ANKRD28: variants seen among roughly 807,000 people sequenced by gnomAD.
The protein encoded by ANKRD28 is ankyrin repeat domain 28, also known as serine/threonine-protein phosphatase 6 regulatory ankyrin repeat subunit A.
Under a neutral mutation model 126.5 loss-of-function variants are expected in ANKRD28, and 44 were observed. The ratio of observed to expected loss-of-function variants is 0.35; its 90% CI spans 0.27 to 0.45. The LOEUF (loss-of-function observed/expected upper bound fraction) is 0.45. Ranked by LOEUF, ANKRD28 falls within the 20% of genes least tolerant of loss-of-function variation. The pLI is 1.00. For synonymous variants in ANKRD28, 442 were observed against 468.5 expected (o/e 0.94, Z 0.73); for missense variants, 1,110 against 1,316.6 (o/e 0.84, Z 2.43).
intron 2 of ANKRD28, among the ~76,000 whole-genome samples, chr3:15,780,275 A>T (rs2059483517): frequency 6.6e-6 from 1 of 152,114 alleles, no homozygotes. Context: ...CTAACAACAA[A>T]CTATCTAAAA....
intron 3 of ANKRD28, 50 bp from the exon 4 acceptor site, chr3:15,751,870 T>G (rs1210889636): frequency 8.2e-7 from 1 of 1,212,592 alleles, no homozygotes; most frequent in Non-Finnish European, 1.2e-6. Flanking sequence ...TAAAATATTT[T>G]TAATAAATCT....
At chr3:15,724,228 T>C (rs1219779830) in intron 7 of ANKRD28, among the ~76,000 whole-genome samples, 154 bp downstream of exon 7, 1 of 152,216 alleles carries the variant, frequency 6.6e-6, no homozygotes, top group Non-Finnish European at 1.5e-5. Flanking sequence ...CATAAATCAG[T>C]GCACTAGATA....
At chr3:15,780,442 T>C (rs2059489963) in intron 2 of ANKRD28, among the ~76,000 whole-genome samples, 1 of 152,072 alleles carries the variant, frequency 6.6e-6, no homozygotes, top group Non-Finnish European at 1.5e-5. Flanking sequence ...AATGAGAAGA[T>C]ATACTGTGTT....
At chr3:15,696,731 T>TA (rs1446520072) in intron 14 of ANKRD28, among the ~76,000 whole-genome samples, 2 of 152,130 alleles carry the variant, frequency 1.3e-5, no homozygotes, top group African/African-American at 2.4e-5. Context: ...GAATCTGAAT[T>TA]AGAGGACTAA....
At chr3:15,818,133 T>G (rs1418571645) in intron 1 of ANKRD28, among the ~76,000 whole-genome samples, 11 of 151,820 alleles carry the variant, frequency 7.2e-5, no homozygotes. Flanking sequence ...ATACAGGAGC[T>G]CCCCCGTTAT....
chr3:15,696,530 T>C (rs1459390688), intron 14 of ANKRD28, among the ~76,000 whole-genome samples: 1 of 152,102 alleles, frequency 6.6e-6, no homozygotes, highest in Non-Finnish European at 1.5e-5. Flanking sequence ...ACACAGTCTC[T>C]ATCTATACCA....
At chr3:15,700,669 G>A (rs960344048) in intron 14 of ANKRD28, among the ~76,000 whole-genome samples, 1 of 152,128 alleles carries the variant, frequency 6.6e-6, no homozygotes, top group Non-Finnish European at 1.5e-5. Flanking sequence ...AGCTACTCGG[G>A]AGGCTGAGGC....
At chr3:15,852,997 C>G (rs973418345) in intron 1 of ANKRD28, among the ~76,000 whole-genome samples, 2 of 151,802 alleles carry the variant, frequency 1.3e-5, no homozygotes, top group South Asian at 2.1e-4. Flanking sequence ...AAATCAGTAT[C>G]GCTTAAGGAG....
chr3:15,711,117 G>T, intron 12 of ANKRD28, 94 bp downstream of exon 12: 7 of 1,048,528 alleles, frequency 6.7e-6, no homozygotes, highest in South Asian at 3.6e-5. Context: ...CTATTTTCTG[G>T]CAGCCCAGAA....
In ANKRD28 at chr3:15,846,360, T is replaced by C. The variant is rs1483067536; in HGVS notation, c.27+13017A>G. 1.3e-5 allele frequency among the ~76,000 whole-genome samples: 2 copies of C among 152,216 alleles called. No individual in the cohort carries two copies. The highest frequency in any genetic ancestry group is 1.3e-4 in the Admixed American group (2 of 15,286). On this transcript the variant is annotated intron_variant, in intron 1 of 27. Transcript: ENST00000399451. This position sits in a 1 kb window ranked among gnomAD's most constrained non-coding sequence, Gnocchi z 5.4. The stretch of plus-strand genomic sequence containing the variant: ...TCTTAAAGCTCCAAAATAATCTCCT[T>C]TGACTCCATGTCTCACATCCAGGGC...
intron 2 of ANKRD28, among the ~76,000 whole-genome samples, chr3:15,770,077 A>G (rs1375456265): frequency 6.6e-6 from 1 of 152,088 alleles, no homozygotes; most frequent in Non-Finnish European, 1.5e-5. Flanking sequence ...TAGGCACTAG[A>G]AAGGATTTAA....
intron 9 of ANKRD28, 68 bp downstream of exon 9, chr3:15,714,510 T>A: frequency 3.5e-6 from 4 of 1,130,744 alleles, no homozygotes. Flanking sequence ...ATTCATTTGG[T>A]GGATGTTTTT....
intron 17 of ANKRD28, among the ~76,000 whole-genome samples, chr3:15,691,723 A>G (rs1220394084): frequency 1.3e-5 from 2 of 152,242 alleles, no homozygotes; most frequent in African/African-American, 4.8e-5. Flanking sequence ...ACGGAATTCT[A>G]CTGTTTTAGG....
chr3:15,681,719 TTTCTC>T (rs1464653523), intron 21 of ANKRD28, among the ~76,000 whole-genome samples: 11 of 152,298 alleles, frequency 7.2e-5, no homozygotes, highest in African/African-American at 2.6e-4. Flanking sequence ...TGTCAGTTCT[TTTCTC>T]TAATCTAGTA....
At position 15,720,919 on chromosome 3, in the gene ANKRD28, A is replaced by G. The variant is rs765207928; in HGVS notation, c.992T>C (p.Met331Thr). 6.2e-7 allele frequency: 1 copy of G among 1,612,998 alleles called. No homozygotes were observed. Among genetic ancestry groups the G allele is most frequent in the South Asian group, 1.1e-5 (1 of 90,892 alleles). ...GATTCTGATTTTGTTCCTTACCTTC[A>G]TATTGACATCGGCCCCATTGCCAAC... The part of the protein sequence containing the change: ...LLVGNGADVN[M>T]KSKDGKTPLH... Residue 331 changes from methionine (M) to threonine (T), a missense_variant, in exon 8 of 28, where the codon ATG becomes ACG. Coordinates refer to ENST00000683139, the MANE Select transcript of ANKRD28 (RefSeq NM_001349278.2).
chr3:15,796,988 A>C lies in ANKRD28; in HGVS notation c.-467T>G, dbSNP rs2060305915. On this transcript the variant is annotated 5_prime_UTR_variant, in exon 1 of 28. Coordinates refer to ENST00000683139, the MANE Select transcript of ANKRD28 (RefSeq NM_001349278.2). ...ACAGCGATACCCACTCTTGCCTGCA[A>C]GGTCATATAGTTACCAGTAGCTGTT... 7.1e-6 allele frequency: 7 copies of C among 985,416 alleles called. No homozygotes were observed. The highest frequency in any genetic ancestry group is 7.2e-6 in the Non-Finnish European group (6 of 829,938). The allele number at this position is 985,416 out of a possible 1,614,324, so 61.0% of individuals were successfully genotyped here.
chr3:15,740,508 T>C (rs1471380497), intron 4 of ANKRD28, among the ~76,000 whole-genome samples: 1 of 152,208 alleles, frequency 6.6e-6, no homozygotes, highest in African/African-American at 2.4e-5. Flanking sequence ...TTGGGGGATC[T>C]AAAACTAACA....
intron 18 of ANKRD28, among the ~76,000 whole-genome samples, chr3:15,689,071 CTTG>C (rs1351369192): frequency 1.3e-5 from 2 of 152,096 alleles, no homozygotes; most frequent in East Asian, 1.9e-4. Flanking sequence ...TGATGATAGT[CTTG>C]TTGTTGGTAT....
chr3:15,856,189 C>CAA (rs57558163), intron 1 of ANKRD28, among the ~76,000 whole-genome samples: 1 of 147,672 alleles, frequency 6.8e-6, no homozygotes, highest in African/African-American at 2.5e-5. Context: ...TTCTGGCTTC[C>CAA]AAAAAAAAAA....
Sources: gnomAD v4.1 joint callset for allele counts (sites outside exome capture counted in the v4.1 genomes callset) on GRCh38, gnomAD v4.1.1 for gene constraint, Gnocchi (gnomAD v3.1) non-coding constraint, MANE v1.5 for transcripts, NCBI Gene and HGNC (gene_info 2026-07-23, HGNC 2026-07-21) for gene names.